DHRSX: variants seen among roughly 807,000 people sequenced by gnomAD.
The protein encoded by DHRSX is dehydrogenase/reductase X-linked, also known as polyprenol dehydrogenase.
DHRSX carries 31 observed loss-of-function variants against 34.0 expected under a neutral mutation model. The ratio of observed to expected loss-of-function variants is 0.91; its 90% CI spans 0.69 to 1.23. DHRSX has a LOEUF of 1.23. Ranked by LOEUF, DHRSX falls within the 50% of genes most tolerant of loss-of-function variation. The pLI, the probability that DHRSX is intolerant of heterozygous loss-of-function variation, is 0.00. For missense variants in DHRSX, 414 were observed against 428.1 expected, an observed-to-expected ratio of 0.97 and a Z score of 0.29; for synonymous variants, 201 against 183.8, an observed-to-expected ratio of 1.09 and a Z score of -0.76.
chrX:2,348,651 A>G (rs1421796470), intron 3 of DHRSX, among the ~76,000 whole-genome samples: 1 of 152,074 alleles, frequency 6.6e-6, no homozygotes. Flanking sequence ...CTTGTTTTGC[A>G]AAGAAAGGAG....
chrX:2,305,250 G>T (rs1419717249), intron 3 of DHRSX, among the ~76,000 whole-genome samples: 1 of 152,000 alleles, frequency 6.6e-6, no homozygotes, highest in African/African-American at 2.4e-5. Context: ...AATAGCTAAT[G>T]CCTGCTCAGT....
intron 1 of DHRSX, among the ~76,000 whole-genome samples, chrX:2,483,684 C>T (rs1447475797): frequency 6.6e-6 from 1 of 151,064 alleles, no homozygotes; most frequent in Non-Finnish European, 1.5e-5. Context: ...CGTGTGTTAC[C>T]TAAAGAAACA....
chrX:2,263,697 G>A (rs1348570503), intron 5 of DHRSX, among the ~76,000 whole-genome samples: 1 of 151,966 alleles, frequency 6.6e-6, no homozygotes, highest in Non-Finnish European at 1.5e-5. Flanking sequence ...ATTTTTAATA[G>A]AGATGGGGTT....
At chrX:2,490,110 C>T (rs1414953116) in intron 1 of DHRSX, 2 of 1,613,918 alleles carry the variant, frequency 1.2e-6, no homozygotes, top group Non-Finnish European at 1.7e-6. Flanking sequence ...TTCTGATTCT[C>T]ACTCCTCCAC....
At chrX:2,422,845 C>T (rs1231306333) in intron 2 of DHRSX, among the ~76,000 whole-genome samples, 2 of 151,900 alleles carry the variant, frequency 1.3e-5, no homozygotes, top group Non-Finnish European at 2.9e-5. Context: ...AGTGCAGTGG[C>T]GTGATCTCAG....
intron 4 of DHRSX, among the ~76,000 whole-genome samples, chrX:2,286,414 G>T (rs1228177111): frequency 1.3e-5 from 2 of 152,192 alleles, no homozygotes; most frequent in African/African-American, 4.8e-5. Context: ...TCTCAGCATA[G>T]ACTGTGCCAT....
chrX:2,353,532 G>A (rs1433147015), intron 3 of DHRSX, among the ~76,000 whole-genome samples: 1 of 151,664 alleles, frequency 6.6e-6, no homozygotes, highest in East Asian at 1.9e-4. Context: ...ATAGTTGAAG[G>A]AGTCAGAAGA....
At position 2,243,113 on chromosome X, in the gene DHRSX, C is replaced by A. The variant is rs376550923; in HGVS notation, c.714G>T (p.Val238=). ...AEGSHVTANV[V]DPGVVNTDVY... The stretch of plus-strand genomic sequence containing the variant: ...CGTCCGTGTTGACCACCCCGGGGTC[C>A]ACCACGTTGGCGGTCACGTGGCTTC... The change falls in exon 6 of 7, where the codon GTG becomes GTT. Residue 238 remains valine (V), a synonymous_variant. Coordinates refer to ENST00000334651, the MANE Select transcript of DHRSX (RefSeq NM_145177.3). 5.2e-5 allele frequency: 84 copies of A among 1,613,886 alleles called. 3 individuals are homozygous for A. Among genetic ancestry groups the A allele is most frequent in the South Asian group, 4.6e-4 (42 of 91,064 alleles).
intron 4 of DHRSX, among the ~76,000 whole-genome samples, chrX:2,290,730 CAT>C (rs745735355): frequency 5.9e-5 from 9 of 152,298 alleles, no homozygotes; most frequent in East Asian, 5.8e-4. Flanking sequence ...TACTAGCACA[CAT>C]GTTTGTTGGT....
At chrX:2,250,794 C>T (rs1302593869) in intron 5 of DHRSX, among the ~76,000 whole-genome samples, 1 of 152,130 alleles carries the variant, frequency 6.6e-6, no homozygotes, top group Non-Finnish European at 1.5e-5. Flanking sequence ...GTCTCAGCCT[C>T]ATGTTACGCA....
At chrX:2,410,304 G>A (rs1026199246) in intron 2 of DHRSX, among the ~76,000 whole-genome samples, 1 of 152,100 alleles carries the variant, frequency 6.6e-6, no homozygotes. Context: ...AAAAAGTGTT[G>A]AGAGAAGGGA....
chrX:2,489,650 G>A (rs761629511), intron 1 of DHRSX: 18 of 1,612,296 alleles, frequency 1.1e-5, no homozygotes, highest in African/African-American at 4.0e-5. Flanking sequence ...CATGGCCAGC[G>A]TGCTCCCCCA....
At chrX:2,228,943 A>G (rs180766878) in intron 6 of DHRSX, among the ~76,000 whole-genome samples, 1 of 152,202 alleles carries the variant, frequency 6.6e-6, no homozygotes, top group African/African-American at 2.4e-5. Context: ...AAACTACCTA[A>G]CGCTCCACTG....
At chrX:2,303,580 C>G in intron 3 of DHRSX, among the ~76,000 whole-genome samples, 1 of 152,232 alleles carries the variant, frequency 6.6e-6, no homozygotes. Context: ...CTTGCAGAAC[C>G]ATGAGCCAAT....
chrX:2,276,681 C>G (rs755388394), intron 4 of DHRSX, among the ~76,000 whole-genome samples: 1 of 150,968 alleles, frequency 6.6e-6, no homozygotes, highest in South Asian at 2.1e-4. Flanking sequence ...GTTCTCCGCT[C>G]TCCAAGCGGA....
At chrX:2,302,620 T>TAAATAAAC (rs1485648026) in intron 3 of DHRSX, among the ~76,000 whole-genome samples, 3 of 151,562 alleles carry the variant, frequency 2.0e-5, no homozygotes, top group Non-Finnish European at 2.9e-5. Flanking sequence ...AAAAAATAAA[T>TAAATAAAC]AAATAAATAA....
intron 3 of DHRSX, among the ~76,000 whole-genome samples, chrX:2,310,519 G>A (rs752674011): frequency 1.0e-3 from 151 of 151,116 alleles, no homozygotes; most frequent in African/African-American, 3.4e-3. Context: ...ACGCTGCAGC[G>A]AGATTATTCT....
At chrX:2,295,836 T>C (rs1195784384) in intron 3 of DHRSX, among the ~76,000 whole-genome samples, 3 of 152,202 alleles carry the variant, frequency 2.0e-5, no homozygotes, top group Non-Finnish European at 4.4e-5. Context: ...GGTTCCGGCA[T>C]GTGGCAATAC....
chrX:2,346,564 A>G (rs1487419638), intron 3 of DHRSX, among the ~76,000 whole-genome samples: 1 of 151,834 alleles, frequency 6.6e-6, no homozygotes, highest in Non-Finnish European at 1.5e-5. Flanking sequence ...TTCTTCTCAC[A>G]GCAAATCTAA....
Sources: allele counts gnomAD v4.1 joint callset (sites outside exome capture counted in the v4.1 genomes callset), GRCh38; gene constraint gnomAD v4.1.1; transcripts MANE v1.5; gene names NCBI Gene and HGNC (gene_info 2026-07-23, HGNC 2026-07-21).